TAFA1: variants seen among roughly 807,000 people sequenced by gnomAD.
The protein encoded by TAFA1 is TAFA chemokine like family member 1, also known as chemokine-like protein TAFA-1.
In TAFA1, 4 loss-of-function variants were observed where a neutral mutation model predicts 18.5. The observed-to-expected ratio is 0.22, with a 90% CI of 0.11 to 0.49. The LOEUF is 0.49. Among genes scored for constraint, TAFA1 ranks in the 20% least tolerant of loss-of-function variants. The probability of loss-of-function intolerance (pLI) is 0.98; values close to 1 mark genes in which losing one functional copy is unlikely to be tolerated. For missense variants in TAFA1, 147 were observed against 169.0 expected, an observed-to-expected ratio of 0.87 and a Z score of 0.72; for synonymous variants, 56 against 55.2, an observed-to-expected ratio of 1.01 and a Z score of -0.06.
At chr3:68,262,349 A>T (rs13079200) in intron 2 of TAFA1, among the ~76,000 whole-genome samples, 1,474 of 78,534 alleles carry the variant, frequency 0.019, 20 homozygotes, top group East Asian at 0.054. Context: ...ATATATATAT[A>T]TATATATATT....
intron 3 of TAFA1, among the ~76,000 whole-genome samples, chr3:68,486,570 T>C (rs1236894385): frequency 6.6e-6 from 1 of 152,190 alleles, no homozygotes; most frequent in Admixed American, 6.5e-5. Context: ...GACTGTTTCC[T>C]CATATATAAA....
chr3:68,100,786 C>A (rs1476177457), intron 2 of TAFA1, among the ~76,000 whole-genome samples: 1 of 152,052 alleles, frequency 6.6e-6, no homozygotes. Context: ...AGATTTCATC[C>A]CTCTTCTTAA....
chr3:68,304,997 T>C (rs2068377404), intron 2 of TAFA1, among the ~76,000 whole-genome samples: 1 of 152,100 alleles, frequency 6.6e-6, no homozygotes, highest in South Asian at 2.1e-4. Context: ...AATGTATTAG[T>C]TCCCTAGGAT....
chr3:68,442,047 A>G (rs1339820995), intron 3 of TAFA1, among the ~76,000 whole-genome samples: 1 of 152,138 alleles, frequency 6.6e-6, no homozygotes, highest in Non-Finnish European at 1.5e-5. Context: ...CTGCTGCTCC[A>G]AATTCTTCCA....
At chr3:68,220,804 G>C (rs946654471) in intron 2 of TAFA1, among the ~76,000 whole-genome samples, 1 of 152,074 alleles carries the variant, frequency 6.6e-6, no homozygotes, top group Non-Finnish European at 1.5e-5. Context: ...CTGCACTGCT[G>C]TCTCTAAGGG....
chr3:68,393,151 G>C (rs532216718), intron 2 of TAFA1, among the ~76,000 whole-genome samples: 2 of 150,890 alleles, frequency 1.3e-5, no homozygotes, highest in South Asian at 4.2e-4. Context: ...CACACACACA[G>C]AGAAAAAAAA....
chr3:68,393,595 A>C (rs1347045596), intron 2 of TAFA1, among the ~76,000 whole-genome samples: 1 of 152,216 alleles, frequency 6.6e-6, no homozygotes, highest in South Asian at 2.1e-4. Context: ...CCTGTTGAAC[A>C]TCAATGCAAA....
intron 2 of TAFA1, among the ~76,000 whole-genome samples, chr3:68,042,302 T>A (rs188032113): frequency 6.6e-6 from 1 of 152,376 alleles, no homozygotes; most frequent in Non-Finnish European, 1.5e-5. Context: ...GATTACATCC[T>A]TGTGCATTAT....
intron 3 of TAFA1, among the ~76,000 whole-genome samples, chr3:68,494,625 C>T (rs1313880398): frequency 1.3e-5 from 2 of 152,154 alleles, no homozygotes; most frequent in Non-Finnish European, 2.9e-5. Flanking sequence ...ATGTAGTACT[C>T]TTGAAAATGG....
intron 2 of TAFA1, among the ~76,000 whole-genome samples, chr3:68,270,059 T>C (rs2067633166): frequency 6.6e-6 from 1 of 152,130 alleles, no homozygotes; most frequent in East Asian, 1.9e-4. Flanking sequence ...GGAAACCACA[T>C]CCAAATGTAT....
rs2068195451 is a variant in TAFA1 at position 68,295,688 on chromosome 3, C to G, written c.119-121592C>G. On this transcript the variant is annotated intron_variant, in intron 2 of 4. Coordinates refer to ENST00000478136, the MANE Select transcript of TAFA1 (RefSeq NM_213609.4). ...GTGATGTCGTCATAACTCACTGCAG[C>G]CTCAAACTCCTAGGCACAAACAATC... Among the ~76,000 whole-genome samples, 3 of 152,112 alleles carry G rather than the reference C, an allele frequency of 2.0e-5. No individual in the cohort carries two copies. The South Asian group carries it at 6.2e-4, about 32-fold the overall frequency.
chr3:68,268,371 G>C (rs893098175), intron 2 of TAFA1, among the ~76,000 whole-genome samples: 1 of 152,108 alleles, frequency 6.6e-6, no homozygotes, highest in Non-Finnish European at 1.5e-5. Context: ...TCAAACAGGA[G>C]ACCAAAAACG....
Position 68,082,285 on chromosome 3 carries a change from C to T in TAFA1, c.118+75541C>T, listed in dbSNP as rs529258947. ...AAATCACCATCTTGTGCGTCGCTCA[C>T]GCTGGGAGCTGTAGACCGGAGCTGT... On this transcript the variant is annotated intron_variant, in intron 2 of 4. Coordinates refer to ENST00000478136, the MANE Select transcript of TAFA1 (RefSeq NM_213609.4). Among the ~76,000 whole-genome samples the T allele has an allele frequency of 8.5e-5, 13 of 152,362 alleles. No individual in the cohort carries two copies. In the South Asian group the frequency reaches 1.9e-3, roughly 22 times the overall value.
chr3:68,385,775 C>A (rs746731722), intron 2 of TAFA1, among the ~76,000 whole-genome samples: 1 of 151,970 alleles, frequency 6.6e-6, no homozygotes, highest in Middle Eastern at 3.4e-3. Context: ...TACTCATTTA[C>A]AAATTATTTG....
chr3:68,401,819 A>T (rs2070499873), intron 2 of TAFA1, among the ~76,000 whole-genome samples: 2 of 152,122 alleles, frequency 1.3e-5, no homozygotes. Flanking sequence ...AAACTCCATG[A>T]ACTGAAAATG....
At chr3:68,428,199 C>T (rs780904037) in intron 3 of TAFA1, among the ~76,000 whole-genome samples, 1 of 151,822 alleles carries the variant, frequency 6.6e-6, no homozygotes, top group Non-Finnish European at 1.5e-5. Context: ...GAAGGAAGGA[C>T]CACATGGGTA....
At chr3:68,246,442 T>A (rs1175888033) in intron 2 of TAFA1, among the ~76,000 whole-genome samples, 1 of 151,248 alleles carries the variant, frequency 6.6e-6, no homozygotes, top group African/African-American at 2.4e-5. Flanking sequence ...TACAAAAAAT[T>A]AGCCGGGCGT....
At chr3:68,312,846 G>T (rs2068543223) in intron 2 of TAFA1, among the ~76,000 whole-genome samples, 1 of 152,146 alleles carries the variant, frequency 6.6e-6, no homozygotes, top group African/African-American at 2.4e-5. Flanking sequence ...TTTTCATGCT[G>T]CTGATGAAGA....
At chr3:68,508,872 A>G (rs1414092164) in intron 3 of TAFA1, among the ~76,000 whole-genome samples, 1 of 152,058 alleles carries the variant, frequency 6.6e-6, no homozygotes, top group Non-Finnish European at 1.5e-5. Context: ...CTAGAAGAAG[A>G]TGAGAAGGCT....
Sources: gnomAD v4.1 joint callset for allele counts (sites outside exome capture counted in the v4.1 genomes callset) on GRCh38, gnomAD v4.1.1 for gene constraint, MANE v1.5 for transcripts, NCBI Gene and HGNC (gene_info 2026-07-23, HGNC 2026-07-21) for gene names.